The following SETBP1 variants were observed in gnomAD, a reference collection of about 807,000 sequenced individuals.
The protein encoded by SETBP1 is SET-binding protein.
Under a neutral mutation model 101.0 loss-of-function variants are expected in SETBP1, and 9 were observed. The observed-to-expected ratio is 0.09, with a 90% CI of 0.05 to 0.16. The LOEUF is 0.16. Ranked by LOEUF, SETBP1 falls within the 10% of genes least tolerant of loss-of-function variation. The pLI is 1.00. For missense variants in SETBP1, 1,858 were observed against 2,033.8 expected, an observed-to-expected ratio of 0.91 and a Z score of 1.66; for synonymous variants, 818 against 788.5, an observed-to-expected ratio of 1.04 and a Z score of -0.63.
At chr18:44,918,337 G>T (rs2070495420) in intron 3 of SETBP1, among the ~76,000 whole-genome samples, 1 of 152,188 alleles carries the variant, frequency 6.6e-6, no homozygotes, top group African/African-American at 2.4e-5. Context: ...AGGCTCAGCT[G>T]GAGTGACCTG....
chr18:44,735,848 A>G (rs2069953150), intron 2 of SETBP1, among the ~76,000 whole-genome samples: 1 of 152,192 alleles, frequency 6.6e-6, no homozygotes, highest in South Asian at 2.1e-4. Context: ...AACTCATCAG[A>G]AAGATGCTCC....
At chr18:44,724,736 G>T (rs2144357229) in intron 2 of SETBP1, among the ~76,000 whole-genome samples, 1 of 152,318 alleles carries the variant, frequency 6.6e-6, no homozygotes, top group East Asian at 1.9e-4. Context: ...GGGGTTAGCA[G>T]CAGGCAAAGG....
At chr18:44,732,176 A>C (rs1219883252) in intron 2 of SETBP1, among the ~76,000 whole-genome samples, 1 of 152,104 alleles carries the variant, frequency 6.6e-6, no homozygotes. Flanking sequence ...GTTGATTACC[A>C]CTCAGATAGA....
intron 4 of SETBP1, among the ~76,000 whole-genome samples, chr18:45,023,453 C>T (rs570485350): frequency 6.6e-6 from 1 of 152,234 alleles, no homozygotes; most frequent in Admixed American, 6.5e-5. Context: ...CCAAAGGGCA[C>T]GGAGTTGCTG....
At chr18:44,773,830 C>G (rs371968482) in intron 2 of SETBP1, among the ~76,000 whole-genome samples, 16 of 59,108 alleles carry the variant, frequency 2.7e-4, no homozygotes, top group Admixed American at 1.2e-3. Flanking sequence ...CTCTGTCTCT[C>G]TCTGTTTATG....
At chr18:44,853,533 T>C (rs1217884650) in intron 2 of SETBP1, among the ~76,000 whole-genome samples, 2 of 152,188 alleles carry the variant, frequency 1.3e-5, no homozygotes, top group South Asian at 2.1e-4. Context: ...CTTTTATGGA[T>C]GATAAACAGA....
At chr18:44,791,742 C>A (rs939970217) in intron 2 of SETBP1, among the ~76,000 whole-genome samples, 23 of 148,092 alleles carry the variant, frequency 1.6e-4, no homozygotes, top group African/African-American at 4.2e-4. Flanking sequence ...AGAGAGAGAG[C>A]GAGAGAGAGC....
At chr18:45,013,837 G>T (rs956632488) in intron 4 of SETBP1, among the ~76,000 whole-genome samples, 1 of 152,126 alleles carries the variant, frequency 6.6e-6, no homozygotes, top group African/African-American at 2.4e-5. Context: ...GACGGTTGTG[G>T]TTGACAGACA....
chr18:44,774,625 C>A lies in SETBP1; in HGVS notation c.486+72793C>A, dbSNP rs1599108182. On this transcript the variant is annotated intron_variant, in intron 2 of 5. Coordinates refer to ENST00000649279, the MANE Select transcript of SETBP1 (RefSeq NM_015559.3). ...AGATGATTTGTGGATAGGGTGCGAG[C>A]ACATGGGATTATGAAAACTCAGAGT... Among the ~76,000 whole-genome samples, 3 of 152,110 alleles carry A rather than the reference C, an allele frequency of 2.0e-5. No individual in the cohort carries two copies. The South Asian group carries it at 6.2e-4, about 32-fold the overall frequency.
intron 5 of SETBP1, among the ~76,000 whole-genome samples, chr18:45,057,298 A>C (rs2073825021): frequency 6.6e-6 from 1 of 152,086 alleles, no homozygotes; most frequent in Non-Finnish European, 1.5e-5. Context: ...AGGTTGCCTC[A>C]TTCTCCCCAT....
intron 3 of SETBP1, among the ~76,000 whole-genome samples, chr18:44,891,309 C>T (rs1187544934): frequency 2.0e-5 from 3 of 152,026 alleles, no homozygotes; most frequent in Non-Finnish European, 4.4e-5. Flanking sequence ...CAGAGGGGCA[C>T]ATCAATACAA....
At chr18:44,837,859 A>G (rs2072530566) in intron 2 of SETBP1, among the ~76,000 whole-genome samples, 1 of 152,228 alleles carries the variant, frequency 6.6e-6, no homozygotes, top group Non-Finnish European at 1.5e-5. Context: ...GTTTCAGATT[A>G]TCTGCCTTAC....
At chr18:44,813,178 T>A (rs938881994) in intron 2 of SETBP1, among the ~76,000 whole-genome samples, 2 of 152,186 alleles carry the variant, frequency 1.3e-5, no homozygotes, top group Non-Finnish European at 2.9e-5. Context: ...TTAAACAAAA[T>A]TAAAGTTGAA....
At chr18:44,781,350 C>T (rs1408291329) in intron 2 of SETBP1, among the ~76,000 whole-genome samples, 1 of 152,124 alleles carries the variant, frequency 6.6e-6, no homozygotes, top group Non-Finnish European at 1.5e-5. Context: ...AGATTTCACA[C>T]ATGGTATTCT....
At chr18:44,931,644 T>G (rs2071645234) in intron 3 of SETBP1, among the ~76,000 whole-genome samples, 1 of 152,202 alleles carries the variant, frequency 6.6e-6, no homozygotes, top group African/African-American at 2.4e-5. Flanking sequence ...GCATATATAT[T>G]TAGGATAGTT....
chr18:44,699,779 T>A (rs965666399), intron 1 of SETBP1, among the ~76,000 whole-genome samples: 3 of 152,268 alleles, frequency 2.0e-5, no homozygotes, highest in African/African-American at 7.2e-5. Flanking sequence ...AGGGTCCGTG[T>A]TGGAGCCGGG....
intron 2 of SETBP1, among the ~76,000 whole-genome samples, chr18:44,792,270 G>A (rs769550476): frequency 2.0e-5 from 3 of 152,144 alleles, no homozygotes; most frequent in Admixed American, 6.5e-5. Flanking sequence ...TGGCCTGCAC[G>A]GAAATATGGG....
At chr18:44,842,246 C>T (rs140463258) in intron 2 of SETBP1, among the ~76,000 whole-genome samples, 2 of 152,352 alleles carry the variant, frequency 1.3e-5, no homozygotes, top group Non-Finnish European at 2.9e-5. Context: ...AGGCTCATCT[C>T]TAGCCTTTCC....
At chr18:44,722,701 T>A (rs189284463) in intron 2 of SETBP1, among the ~76,000 whole-genome samples, 11 of 152,310 alleles carry the variant, frequency 7.2e-5, no homozygotes, top group African/African-American at 2.4e-4. Flanking sequence ...ATGAAGGGAC[T>A]GGTTATTGGG....
Sources: gnomAD v4.1 joint callset for allele counts (sites outside exome capture counted in the v4.1 genomes callset) on GRCh38, gnomAD v4.1.1 for gene constraint, MANE v1.5 for transcripts, NCBI Gene and HGNC (gene_info 2026-07-23, HGNC 2026-07-21) for gene names.